ANKRD6: variants seen among roughly 807,000 people sequenced by gnomAD.
ANKRD6 encodes ankyrin repeat domain-containing protein 6.
In ANKRD6, 56 loss-of-function variants were observed where a neutral mutation model predicts 82.3. The ratio of observed to expected loss-of-function variants is 0.68; its 90% CI spans 0.55 to 0.85. The LOEUF (loss-of-function observed/expected upper bound fraction) is 0.85, where lower values mean the gene tolerates loss of function less well. Among genes scored for constraint, ANKRD6 ranks in the 40% least tolerant of loss-of-function variants. The pLI, the probability that ANKRD6 is intolerant of heterozygous loss-of-function variation, is 0.00. For missense variants in ANKRD6, 852 were observed against 907.6 expected (o/e 0.94, Z 0.79); for synonymous variants, 347 against 352.1 (o/e 0.99, Z 0.16).
intron 1 of ANKRD6, among the ~76,000 whole-genome samples, chr6:89,460,909 C>CTTTTTTTTTTTTTTTTTT (rs143153320): frequency 7.4e-6 from 1 of 135,960 alleles, no homozygotes; most frequent in Non-Finnish European, 1.5e-5. Context: ...TTTTGGAATT[C>CTTTTTTTTTTTTTTTTTT]TTTTTTTTTG....
intron 1 of ANKRD6, among the ~76,000 whole-genome samples, chr6:89,467,453 G>A (rs1441464348): frequency 6.6e-6 from 1 of 152,104 alleles, no homozygotes; most frequent in East Asian, 1.9e-4. Flanking sequence ...CCCATTTTGT[G>A]TGATGCTTAT....
chr6:89,586,972 TAAGGTC>T (rs1188716584), intron 2 of ANKRD6, among the ~76,000 whole-genome samples: 6 of 151,322 alleles, frequency 4.0e-5, no homozygotes, highest in Non-Finnish European at 8.9e-5. Context: ...GTGGATCACT[TAAGGTC>T]AGGAGTTCAA....
chr6:89,532,494 T>A (rs1783287533), intron 1 of ANKRD6, among the ~76,000 whole-genome samples: 2 of 152,170 alleles, frequency 1.3e-5, no homozygotes, highest in Admixed American at 1.3e-4. Flanking sequence ...CTGATATATG[T>A]CACCAGAGCA....
intron 1 of ANKRD6, among the ~76,000 whole-genome samples, chr6:89,521,791 A>G (rs903678405): frequency 3.3e-5 from 5 of 152,148 alleles, no homozygotes; most frequent in Admixed American, 2.6e-4. Flanking sequence ...TTATTATAGA[A>G]GACCTTGAGA....
In ANKRD6 at chr6:89,631,052, T is replaced by C. The variant is rs1460891966; in HGVS notation, c.*48T>C. On this transcript the variant is annotated 3_prime_UTR_variant, in exon 16 of 16. Transcript: ENST00000339746. ...AAGGATTCTTGAAGATTTCCAGTTT[T>C]GCAACTGCATAATAGCTATGCCCAA... 1 of 1,459,660 alleles carries C rather than the reference T, an allele frequency of 6.9e-7. No individual in the cohort carries two copies. Among genetic ancestry groups the C allele is most frequent in the Admixed American group, 2.7e-5 (1 of 36,734 alleles). The allele number at this position is 1,459,660 out of a possible 1,614,324, so 90.4% of individuals were successfully genotyped here.
At chr6:89,503,075 G>T (rs896080867) in intron 1 of ANKRD6, among the ~76,000 whole-genome samples, 1 of 152,144 alleles carries the variant, frequency 6.6e-6, no homozygotes, top group Non-Finnish European at 1.5e-5. Context: ...AGTTCTTTCA[G>T]CCAGAACCAG....
intron 1 of ANKRD6, among the ~76,000 whole-genome samples, chr6:89,441,772 A>G (rs1450569835): frequency 6.6e-6 from 1 of 151,834 alleles, no homozygotes; most frequent in Non-Finnish European, 1.5e-5. Context: ...AGCTGGGATT[A>G]TAGGCATGCG....
At chr6:89,455,520 GA>G (rs1190594858) in intron 1 of ANKRD6, among the ~76,000 whole-genome samples, 1 of 152,124 alleles carries the variant, frequency 6.6e-6, no homozygotes, top group African/African-American at 2.4e-5. Context: ...ATCTCATGTG[GA>G]ATTGTAATCC....
At chr6:89,618,158 G>A (rs779334503) in intron 9 of ANKRD6, 127 bp downstream of exon 9, 4 of 1,021,284 alleles carry the variant, frequency 3.9e-6, no homozygotes, top group South Asian at 2.5e-5. Flanking sequence ...GGCAGTGGAG[G>A]TATAGGCATG....
At chr6:89,479,615 T>G (rs766415512) in intron 1 of ANKRD6, among the ~76,000 whole-genome samples, 31 of 149,428 alleles carry the variant, frequency 2.1e-4, no homozygotes, top group Admixed American at 4.7e-4. Flanking sequence ...ATTTATTTAT[T>G]TATTTATTTA....
intron 1 of ANKRD6, among the ~76,000 whole-genome samples, chr6:89,546,346 C>A (rs563361500): frequency 6.6e-6 from 1 of 152,256 alleles, no homozygotes; most frequent in East Asian, 1.9e-4. Flanking sequence ...CAGTCAGAAT[C>A]TTTCATATAT....
intron 1 of ANKRD6, among the ~76,000 whole-genome samples, chr6:89,490,872 C>A (rs1275939186): frequency 6.6e-6 from 1 of 152,016 alleles, no homozygotes; most frequent in African/African-American, 2.4e-5. Context: ...AGCCCTGGAG[C>A]CTGTGAATAT....
At chr6:89,525,679 G>A (rs1321056345) in intron 1 of ANKRD6, among the ~76,000 whole-genome samples, 1 of 152,294 alleles carries the variant, frequency 6.6e-6, no homozygotes, top group Middle Eastern at 3.4e-3. Flanking sequence ...AGGTTTAGGG[G>A]AAAAGCTATA....
intron 2 of ANKRD6, among the ~76,000 whole-genome samples, chr6:89,588,864 G>T (rs1396296523): frequency 1.3e-5 from 2 of 152,122 alleles, no homozygotes; most frequent in Non-Finnish European, 1.5e-5. Context: ...AATTAGCTGG[G>T]TGTGGTGGTG....
intron 1 of ANKRD6, among the ~76,000 whole-genome samples, chr6:89,451,909 CT>C (rs1434554311): frequency 6.6e-6 from 1 of 152,108 alleles, no homozygotes; most frequent in African/African-American, 2.4e-5. Context: ...TCTTAAGAGA[CT>C]TTTAGGCTGG....
At chr6:89,540,889 C>T (rs1392380548) in intron 1 of ANKRD6, among the ~76,000 whole-genome samples, 1 of 152,122 alleles carries the variant, frequency 6.6e-6, no homozygotes, top group African/African-American at 2.4e-5. Flanking sequence ...GACGATCTTT[C>T]CCCCAGTATA....
At chr6:89,447,962 C>T (rs1332080590) in intron 1 of ANKRD6, among the ~76,000 whole-genome samples, 2 of 150,846 alleles carry the variant, frequency 1.3e-5, no homozygotes, top group South Asian at 2.2e-4. Flanking sequence ...GCTGGGATTA[C>T]AGGCGTGAGC....
At chr6:89,600,952 G>A (rs1438725712) in intron 3 of ANKRD6, among the ~76,000 whole-genome samples, 2 of 152,082 alleles carry the variant, frequency 1.3e-5, no homozygotes, top group Admixed American at 6.6e-5. Context: ...CAGAAGAATC[G>A]CTTGAACCTG....
At chr6:89,469,153 A>G (rs1204399871) in intron 1 of ANKRD6, among the ~76,000 whole-genome samples, 2 of 152,246 alleles carry the variant, frequency 1.3e-5, no homozygotes, top group African/African-American at 4.8e-5. Context: ...AAATATTAAC[A>G]GCATAACCTC....
Sources: allele counts gnomAD v4.1 joint callset (sites outside exome capture counted in the v4.1 genomes callset), GRCh38; gene constraint gnomAD v4.1.1; transcripts MANE v1.5; gene names NCBI Gene and HGNC (gene_info 2026-07-23, HGNC 2026-07-21).